Variants in WDR70 observed in about 807,000 individuals in gnomAD.
WDR70 encodes WD repeat-containing protein 70.
A neutral mutation model predicts 88.6 loss-of-function variants in WDR70; 53 were observed. That is an observed-to-expected ratio of 0.60 (90% confidence interval 0.48 to 0.75). The LOEUF (loss-of-function observed/expected upper bound fraction) is 0.75. WDR70 is among the 30% of genes least tolerant of loss of function. The pLI is 0.00. For synonymous variants in WDR70, 280 were observed against 270.0 expected (o/e 1.04, Z -0.36); for missense variants, 610 against 823.2 (o/e 0.74, Z 3.17).
intron 10 of WDR70, among the ~76,000 whole-genome samples, chr5:37,624,218 C>A (rs936074018): frequency 6.6e-6 from 1 of 152,162 alleles, no homozygotes; most frequent in Non-Finnish European, 1.5e-5. Context: ...CTCTACCCTT[C>A]TCAGCCTCTA....
intron 9 of WDR70, among the ~76,000 whole-genome samples, chr5:37,600,278 A>C (rs1053455280): frequency 2.0e-5 from 3 of 152,212 alleles, no homozygotes; most frequent in African/African-American, 7.2e-5. Context: ...CTGTAATCCC[A>C]GCACTTTGGG....
intron 5 of WDR70, among the ~76,000 whole-genome samples, chr5:37,396,964 G>A (rs1451191882): frequency 2.0e-5 from 3 of 152,118 alleles, no homozygotes; most frequent in Non-Finnish European, 4.4e-5. Context: ...GCAACATGGC[G>A]AAACTCTGTT....
At chr5:37,590,203 T>C (rs1484130583) in intron 9 of WDR70, among the ~76,000 whole-genome samples, 1 of 152,208 alleles carries the variant, frequency 6.6e-6, no homozygotes, top group Non-Finnish European at 1.5e-5. Flanking sequence ...TTTAATATAT[T>C]TACAGACTTG....
intron 9 of WDR70, among the ~76,000 whole-genome samples, chr5:37,560,830 A>T (rs901577877): frequency 2.7e-4 from 25 of 91,864 alleles, no homozygotes; most frequent in Non-Finnish European, 3.0e-4. Flanking sequence ...TTTTTTTTTA[A>T]GAGACAGAGT....
chr5:37,483,248 G>GGCT (rs1739730776), intron 8 of WDR70, among the ~76,000 whole-genome samples: 1 of 151,710 alleles, frequency 6.6e-6, no homozygotes, highest in Non-Finnish European at 1.5e-5. Context: ...AGGACCCTGC[G>GGCT]GCCTTCCGCA....
chr5:37,653,172 G>C (rs1745455496), intron 10 of WDR70, among the ~76,000 whole-genome samples: 1 of 152,068 alleles, frequency 6.6e-6, no homozygotes, highest in African/African-American at 2.4e-5. Context: ...TTTGTTGAAG[G>C]CCTTTTCTGC....
intron 17 of WDR70, among the ~76,000 whole-genome samples, chr5:37,740,232 G>A (rs1224672374): frequency 6.6e-6 from 1 of 152,138 alleles, no homozygotes; most frequent in Non-Finnish European, 1.5e-5. Context: ...ATAAAGTGGT[G>A]ACTAAAGAAA....
intron 7 of WDR70, among the ~76,000 whole-genome samples, chr5:37,450,967 C>T (rs1396244858): frequency 5.3e-5 from 8 of 152,044 alleles, no homozygotes; most frequent in Middle Eastern, 3.2e-3. Flanking sequence ...GGCGTGATCT[C>T]GGCTCACCGC....
intron 8 of WDR70, among the ~76,000 whole-genome samples, chr5:37,487,893 G>A (rs560408417): frequency 1.3e-5 from 2 of 151,850 alleles, no homozygotes; most frequent in African/African-American, 4.8e-5. Flanking sequence ...CAAAGTGCTG[G>A]GATTACAGGC....
chr5:37,495,442 ATCTCTC>A (rs139533160), intron 8 of WDR70, among the ~76,000 whole-genome samples: 8 of 148,216 alleles, frequency 5.4e-5, no homozygotes, highest in East Asian at 2.0e-4. Context: ...ATTATCAGCA[ATCTCTC>A]TCTCTCTCTC....
intron 8 of WDR70, chr5:37,506,118 C>T (rs1162871494): frequency 1.5e-5 from 17 of 1,155,516 alleles, no homozygotes; most frequent in Middle Eastern, 5.6e-4. Context: ...AAGATTGCAG[C>T]GGCTTAAATT....
At chr5:37,589,241 TACACACATACACAC>T (rs1743455705) in intron 9 of WDR70, among the ~76,000 whole-genome samples, 1 of 70,600 alleles carries the variant, frequency 1.4e-5, no homozygotes, top group African/African-American at 5.1e-5. Context: ...CATATATACC[TACACACATACACAC>T]ACACACACAC....
At chr5:37,407,502 G>C (rs996212480) in intron 5 of WDR70, among the ~76,000 whole-genome samples, 1 of 151,910 alleles carries the variant, frequency 6.6e-6, no homozygotes, top group Admixed American at 6.6e-5. Context: ...TCCAGGCTGG[G>C]TGACAGTGAG....
intron 5 of WDR70, among the ~76,000 whole-genome samples, chr5:37,415,431 C>G (rs1749681303): frequency 1.0e-5 from 1 of 98,074 alleles, no homozygotes; most frequent in African/African-American, 2.8e-5. Context: ...CACCTCCCTC[C>G]CGGACGGGGC....
In WDR70 at chr5:37,576,116, TCCCTCCCTCCGCCCTCCTTCCC is replaced by T. The variant is rs1474705670; in HGVS notation, c.918-28937_918-28916del. ...TTCCCTCCCTCCCCGCCTCCTTCCC[TCCCTCCCTCCGCCCTCCTTCCC>T]CCCTCCCTCCCTCCCTAAAATCCAG... On this transcript the variant is annotated intron_variant, in intron 9 of 17. Transcript: ENST00000265107. Among the ~76,000 whole-genome samples, 4 of 35,294 alleles carry T rather than the reference TCCCTCCCTCCGCCCTCCTTCCC, an allele frequency of 1.1e-4. No homozygotes were observed. In the East Asian group the frequency reaches 4.2e-3, roughly 37 times the overall value. 23.2% of individuals were successfully genotyped at this position (35,294 alleles called of 152,430 possible). A position where few individuals can be genotyped will look rare whatever the true frequency, so the allele number is the denominator to read the frequency against.
intron 10 of WDR70, among the ~76,000 whole-genome samples, chr5:37,609,683 G>A (rs966335849): frequency 6.6e-6 from 1 of 152,202 alleles, no homozygotes; most frequent in Non-Finnish European, 1.5e-5. Context: ...CCCTTGCCCA[G>A]ATTCTTGGGC....
intron 9 of WDR70, among the ~76,000 whole-genome samples, chr5:37,525,304 T>A (rs2112286731): frequency 6.6e-6 from 1 of 152,264 alleles, no homozygotes; most frequent in South Asian, 2.1e-4. Context: ...GCAATCAAAC[T>A]AGAACTCAGG....
intron 9 of WDR70, among the ~76,000 whole-genome samples, chr5:37,545,388 TC>T (rs1201312558): frequency 6.6e-6 from 1 of 152,218 alleles, no homozygotes; most frequent in Non-Finnish European, 1.5e-5. Context: ...TACATTACGT[TC>T]CTGCAATGTC....
At chr5:37,721,279 C>A in intron 14 of WDR70, 64 bp downstream of exon 14, 1 of 1,418,166 alleles carries the variant, frequency 7.1e-7, no homozygotes, top group Non-Finnish European at 9.9e-7. Flanking sequence ...ATTTCCCTCC[C>A]ACCCCCGCTT....
Sources: gnomAD v4.1 joint callset for allele counts (sites outside exome capture counted in the v4.1 genomes callset) on GRCh38, gnomAD v4.1.1 for gene constraint, MANE v1.5 for transcripts, NCBI Gene and HGNC (gene_info 2026-07-23, HGNC 2026-07-21) for gene names.